SLCO1B3: variants seen among roughly 807,000 people sequenced by gnomAD.
SLCO1B3 encodes solute carrier organic anion transporter family member 1B3, also known as liver-specific organic anion transporter 2.
In SLCO1B3, 72 loss-of-function variants were observed where a neutral mutation model predicts 71.8. The observed-to-expected ratio is 1.00, with a 90% CI of 0.83 to 1.22. The LOEUF (loss-of-function observed/expected upper bound fraction) is 1.22, where lower values mean the gene tolerates loss of function less well. SLCO1B3 is among the 50% of genes most tolerant of loss of function. The probability of loss-of-function intolerance (pLI) is 0.00; values close to 1 mark genes in which losing one functional copy is unlikely to be tolerated. For missense variants in SLCO1B3, 911 were observed against 819.7 expected (o/e 1.11, Z -1.36); for synonymous variants, 298 against 278.4 (o/e 1.07, Z -0.70).
chr12:20,891,637 T>A (rs1865905650), intron 13 of SLCO1B3, among the ~76,000 whole-genome samples: 1 of 152,108 alleles, frequency 6.6e-6, no homozygotes. Flanking sequence ...AACTTTTTCT[T>A]CTTCTCCCTC....
chr12:20,841,274 T>A (rs1864795319), intron 3 of SLCO1B3, among the ~76,000 whole-genome samples: 1 of 152,118 alleles, frequency 6.6e-6, no homozygotes, highest in Non-Finnish European at 1.5e-5. Flanking sequence ...GTGTTTTACT[T>A]GATGTTAGAA....
intron 9 of SLCO1B3, among the ~76,000 whole-genome samples, 173 bp from the exon 10 acceptor site, chr12:20,877,599 T>C (rs917234938): frequency 2.4e-4 from 36 of 152,136 alleles, no homozygotes; most frequent in Non-Finnish European, 3.7e-4. Context: ...ACCTCAAAAA[T>C]TTAACAATTT....
chr12:20,845,196 AAG>A, intron 3 of SLCO1B3: 1 of 454,232 alleles, frequency 2.2e-6, no homozygotes, highest in Admixed American at 2.3e-5. Context: ...CACATGGGAG[AAG>A]CAGATCTACA....
chr12:20,814,977 T>C (rs1864166482), intron 2 of SLCO1B3, among the ~76,000 whole-genome samples: 1 of 25,818 alleles, frequency 3.9e-5, no homozygotes, highest in African/African-American at 5.8e-5. Flanking sequence ...TTTTCTTTTC[T>C]TTTCTTTTTT....
intron 3 of SLCO1B3, among the ~76,000 whole-genome samples, chr12:20,825,798 CAA>C (rs3060437): frequency 3.5e-5 from 3 of 86,212 alleles, no homozygotes; most frequent in Non-Finnish European, 6.7e-5. Flanking sequence ...GACTCTGTCT[CAA>C]AAAAAAAAAA....
intron 3 of SLCO1B3, among the ~76,000 whole-genome samples, 173 bp from the exon 4 acceptor site, chr12:20,854,855 C>T (rs1215317883): frequency 6.6e-6 from 1 of 152,130 alleles, no homozygotes; most frequent in East Asian, 1.9e-4. Flanking sequence ...TAGTAGTGTA[C>T]TGATGATAGT....
intron 8 of SLCO1B3, among the ~76,000 whole-genome samples, chr12:20,867,930 GAGAA>G (rs1270387886): frequency 1.3e-5 from 2 of 151,994 alleles, no homozygotes; most frequent in Non-Finnish European, 2.9e-5. Flanking sequence ...TACTACCCTA[GAGAA>G]AGCAAGAACA....
At chr12:20,881,083 A>T (rs4149144) in intron 12 of SLCO1B3, 63 bp downstream of exon 12, 68,750 of 1,213,352 alleles carry the variant, frequency 0.057, 3,900 homozygotes, top group East Asian at 0.24. Flanking sequence ...GATTTAATAA[A>T]TACTTATCAA....
At chr12:20,865,327 T>C (rs1392969777) in intron 8 of SLCO1B3, among the ~76,000 whole-genome samples, 2 of 152,152 alleles carry the variant, frequency 1.3e-5, no homozygotes, top group Non-Finnish European at 2.9e-5. Flanking sequence ...GATCAGTCCA[T>C]ACTAGCAAAT....
chr12:20,883,832 A>G (rs1865742142), intron 13 of SLCO1B3, among the ~76,000 whole-genome samples: 2 of 100,832 alleles, frequency 2.0e-5, no homozygotes, highest in African/African-American at 5.5e-5. Context: ...CTTTAATAAA[A>G]ATCTTAAGGC....
intron 3 of SLCO1B3, among the ~76,000 whole-genome samples, chr12:20,834,502 T>C (rs1864630229): frequency 6.8e-6 from 1 of 147,956 alleles, no homozygotes; most frequent in South Asian, 2.1e-4. Context: ...TTATGATATG[T>C]AACATATGTA....
At chr12:20,912,633 C>G (rs1265721565) in intron 15 of SLCO1B3, among the ~76,000 whole-genome samples, 1 of 151,476 alleles carries the variant, frequency 6.6e-6, no homozygotes, top group African/African-American at 2.4e-5. Context: ...AAGTGATTCT[C>G]CTACCTCAGC....
intron 13 of SLCO1B3, among the ~76,000 whole-genome samples, chr12:20,887,665 TTGTC>T (rs1249409134): frequency 1.3e-5 from 2 of 151,912 alleles, no homozygotes; most frequent in South Asian, 4.1e-4. Context: ...ATTCTGTGGT[TTGTC>T]TGTATACTCT....
At chr12:20,894,979 G>A (rs775883034) in intron 13 of SLCO1B3, among the ~76,000 whole-genome samples, 7 of 152,150 alleles carry the variant, frequency 4.6e-5, no homozygotes, top group Non-Finnish European at 1.0e-4. Context: ...TTACATGGGT[G>A]GCAGCAGGCA....
At position 20,872,272 on chromosome 12, in the gene SLCO1B3, C is replaced by T. The variant is rs369358874; in HGVS notation, c.728-2963C>T. Among the ~76,000 whole-genome samples, 122 of 151,732 alleles carry T rather than the reference C, an allele frequency of 8.0e-4. 2 individuals are homozygous for T. In the South Asian group the frequency reaches 0.024, roughly 30 times the overall value. On this transcript the variant is annotated intron_variant, in intron 8 of 15. Coordinates refer to ENST00000381545, the MANE Select transcript of SLCO1B3 (RefSeq NM_019844.4). The stretch of plus-strand genomic sequence containing the variant: ...TGAATGCTGCCAGGTCTCAGAGACT[C>T]ATCCTTCAGGGCAGTGGGTCTCTTA...
chr12:20,908,955 A>G (rs1195585128), intron 15 of SLCO1B3, among the ~76,000 whole-genome samples: 2 of 152,174 alleles, frequency 1.3e-5, no homozygotes, highest in Non-Finnish European at 2.9e-5. Flanking sequence ...TTTATAAGAA[A>G]TTGTCAGACT....
chr12:20,819,209 C>G (rs909080556), intron 3 of SLCO1B3, among the ~76,000 whole-genome samples: 11 of 152,072 alleles, frequency 7.2e-5, no homozygotes, highest in Non-Finnish European at 1.6e-4. Context: ...ATTAACCATG[C>G]CTAGGAAGGA....
intron 3 of SLCO1B3, among the ~76,000 whole-genome samples, chr12:20,817,831 C>T (rs929203662): frequency 1.3e-5 from 2 of 152,116 alleles, no homozygotes; most frequent in African/African-American, 4.8e-5. Context: ...ACCTCGTGAT[C>T]CGCCTGCCTC....
At chr12:20,864,313 C>T (rs1865330041) in intron 8 of SLCO1B3, among the ~76,000 whole-genome samples, 1 of 151,830 alleles carries the variant, frequency 6.6e-6, no homozygotes, top group Non-Finnish European at 1.5e-5. Context: ...TACCCACCAT[C>T]TCTTTGAGAA....
Sources: gnomAD v4.1 joint callset for allele counts (sites outside exome capture counted in the v4.1 genomes callset) on GRCh38, gnomAD v4.1.1 for gene constraint, MANE v1.5 for transcripts, NCBI Gene and HGNC (gene_info 2026-07-23, HGNC 2026-07-21) for gene names.